The following BMP7 variants were observed in gnomAD, a reference collection of about 807,000 sequenced individuals.
BMP7 encodes bone morphogenetic protein 7, also known as osteogenic protein 1.
Under a neutral mutation model 41.2 loss-of-function variants are expected in BMP7, and 12 were observed. The ratio of observed to expected loss-of-function variants is 0.29; its 90% CI spans 0.19 to 0.47. BMP7 has a LOEUF of 0.47. BMP7 is among the 20% of genes least tolerant of loss of function. The pLI is 0.99. For synonymous variants in BMP7, 248 were observed against 250.0 expected, an observed-to-expected ratio of 0.99 and a Z score of 0.07; for missense variants, 467 against 606.0, an observed-to-expected ratio of 0.77 and a Z score of 2.41.
intron 2 of BMP7, among the ~76,000 whole-genome samples, chr20:57,225,466 G>A (rs1048744153): frequency 6.6e-6 from 1 of 152,100 alleles, no homozygotes; most frequent in East Asian, 1.9e-4. Flanking sequence ...AGACACTGTT[G>A]TAAGTATGTC....
intron 1 of BMP7, among the ~76,000 whole-genome samples, chr20:57,245,565 G>A (rs949752220): frequency 1.3e-5 from 2 of 151,328 alleles, no homozygotes; most frequent in Non-Finnish European, 2.9e-5. Flanking sequence ...GTAACTGGAA[G>A]AGTTGCAAAC....
At chr20:57,263,211 C>A (rs1402213782) in intron 1 of BMP7, among the ~76,000 whole-genome samples, 3 of 152,192 alleles carry the variant, frequency 2.0e-5, no homozygotes, top group Admixed American at 2.0e-4. Flanking sequence ...AGTGATGTCC[C>A]AGAAAGCTAG....
At chr20:57,207,224 T>A (rs774873326) in intron 2 of BMP7, among the ~76,000 whole-genome samples, 2 of 152,104 alleles carry the variant, frequency 1.3e-5, no homozygotes, top group South Asian at 2.1e-4. Context: ...CTGACTACAC[T>A]GCTGAAGGAA....
chr20:57,209,269 A>T (rs900634573), intron 2 of BMP7, among the ~76,000 whole-genome samples: 1 of 132,416 alleles, frequency 7.6e-6, no homozygotes, highest in African/African-American at 3.2e-5. Context: ...ATATATATAT[A>T]TATATATATA....
intron 1 of BMP7, among the ~76,000 whole-genome samples, chr20:57,263,893 C>T (rs2066163121): frequency 6.6e-6 from 1 of 152,134 alleles, no homozygotes; most frequent in Admixed American, 6.5e-5. Flanking sequence ...ATGCCCCCGC[C>T]TCTCTACCCC....
At chr20:57,256,814 G>T (rs1334580481) in intron 1 of BMP7, among the ~76,000 whole-genome samples, 1 of 152,034 alleles carries the variant, frequency 6.6e-6, no homozygotes, top group African/African-American at 2.4e-5. Context: ...CTTGAACCCA[G>T]AAGGCGGAGG....
Position 57,171,590 on chromosome 20 carries a change from G to A in BMP7, c.1147-482C>T, listed in dbSNP as rs2123054735. Among the ~76,000 whole-genome samples, 1 of 152,312 alleles carries A rather than the reference G, an allele frequency of 6.6e-6. No individual in the cohort carries two copies. Among genetic ancestry groups the A allele is most frequent in the East Asian group, 1.9e-4 (1 of 5,188 alleles). The stretch of plus-strand genomic sequence containing the variant: ...CCGAGGTAAGACAATAGGGAATAGT[G>A]GGGACTAAGGCAAACTAAGGGAAGA... On this transcript the variant is annotated intron_variant, in intron 6 of 6. Coordinates refer to ENST00000395863, the MANE Select transcript of BMP7 (RefSeq NM_001719.3). The surrounding 1 kb of genome is among the most constrained non-coding windows in gnomAD (Gnocchi z 4.5).
intron 2 of BMP7, among the ~76,000 whole-genome samples, chr20:57,210,492 T>C (rs1230346713): frequency 3.3e-5 from 5 of 152,208 alleles, no homozygotes; most frequent in Non-Finnish European, 7.3e-5. Context: ...CTGATCCTCA[T>C]GGGCCTTCAC....
chr20:57,254,425 A>G (rs1308483903), intron 1 of BMP7, among the ~76,000 whole-genome samples: 1 of 152,132 alleles, frequency 6.6e-6, no homozygotes. Flanking sequence ...CCCCACGGGC[A>G]GCTCTCACCC....
At chr20:57,211,352 C>T (rs560753414) in intron 2 of BMP7, among the ~76,000 whole-genome samples, 2 of 152,326 alleles carry the variant, frequency 1.3e-5, no homozygotes, top group South Asian at 4.1e-4. Flanking sequence ...GCACAGAAAG[C>T]CATCTCCAGG....
chr20:57,250,267 C>CAA (rs1404209140), intron 1 of BMP7, among the ~76,000 whole-genome samples: 10 of 128,238 alleles, frequency 7.8e-5, no homozygotes, highest in African/African-American at 1.9e-4. Context: ...CCAATTTCTA[C>CAA]AAAAATATAT....
In BMP7 at chr20:57,228,865, G is replaced by T. The variant is rs2066018196; in HGVS notation, c.419-444C>A. On this transcript the variant is annotated intron_variant, in intron 1 of 6. Coordinates refer to ENST00000395863, the MANE Select transcript of BMP7 (RefSeq NM_001719.3). The surrounding 1 kb of genome is among the most constrained non-coding windows in gnomAD (Gnocchi z 4.5). ...ATCCTCCTTCATGGGTTATGGTCAGGGTTGAATGATCTCATTCACACAAAT... is the reference window on the plus strand; with the variant it reads ...ATCCTCCTTCATGGGTTATGGTCAGTGTTGAATGATCTCATTCACACAAAT... Among the ~76,000 whole-genome samples the T allele has an allele frequency of 6.6e-6, 1 of 152,156 alleles. No individual in the cohort carries two copies. The highest frequency in any genetic ancestry group is 2.4e-5 in the African/African-American group (1 of 41,428).
In BMP7 at chr20:57,266,302, G is replaced by C; in HGVS notation, c.-180C>G. ...CGCTCTGCCCGGACCCCCGCCCCCT[G>C]CTCGGTGCTGGCCCCGGGCCCCTCG... On this transcript the variant is annotated 5_prime_UTR_variant, in exon 1 of 7. Transcript: ENST00000395863. The C allele has an allele frequency of 2.2e-6, 1 of 452,666 alleles. No individual in the cohort carries two copies. The highest frequency in any genetic ancestry group is 3.4e-6 in the Non-Finnish European group (1 of 290,886). The allele number at this position is 452,666 out of a possible 1,614,324, so 28.0% of individuals were successfully genotyped here.
chr20:57,201,955 A>T (rs1984631562), intron 3 of BMP7, among the ~76,000 whole-genome samples: 1 of 152,224 alleles, frequency 6.6e-6, no homozygotes, highest in Admixed American at 6.5e-5. Context: ...GAAGGGACCA[A>T]TGCCTTGCAC....
At chr20:57,219,739 C>G (rs964389814) in intron 2 of BMP7, among the ~76,000 whole-genome samples, 8 of 152,190 alleles carry the variant, frequency 5.3e-5, no homozygotes, top group African/African-American at 1.9e-4. Context: ...GAAGAGTGAG[C>G]CAAAGTCACC....
intron 1 of BMP7, among the ~76,000 whole-genome samples, chr20:57,234,651 C>T (rs1472130430): frequency 1.3e-5 from 1 of 78,364 alleles, no homozygotes; most frequent in African/African-American, 1.4e-4. Flanking sequence ...AGGAAACACT[C>T]CCAGTAGCTG....
chr20:57,201,860 G>T (rs934958257), intron 3 of BMP7, among the ~76,000 whole-genome samples: 4 of 152,158 alleles, frequency 2.6e-5, no homozygotes, highest in African/African-American at 7.2e-5. Flanking sequence ...GAACTGTAGT[G>T]GGAATGAGAA....
intron 3 of BMP7, among the ~76,000 whole-genome samples, chr20:57,201,244 T>G (rs1419159669): frequency 6.6e-6 from 1 of 152,158 alleles, no homozygotes; most frequent in Non-Finnish European, 1.5e-5. Context: ...ATGGCCCAAA[T>G]CCTCTCATCA....
chr20:57,196,367 G>A (rs1005533060), intron 3 of BMP7, among the ~76,000 whole-genome samples: 2 of 152,188 alleles, frequency 1.3e-5, no homozygotes, highest in African/African-American at 4.8e-5. Context: ...TTCAGTACAT[G>A]GTCTCTCGTT....
Sources: allele counts gnomAD v4.1 joint callset (sites outside exome capture counted in the v4.1 genomes callset), GRCh38; gene constraint gnomAD v4.1.1; non-coding constraint Gnocchi (gnomAD v3.1); transcripts MANE v1.5; gene names NCBI Gene and HGNC (gene_info 2026-07-23, HGNC 2026-07-21).